The following CTNNA2 variants were observed in gnomAD, a reference collection of about 807,000 sequenced individuals.
CTNNA2 encodes catenin alpha-2.
In CTNNA2, 42 loss-of-function variants were observed where a neutral mutation model predicts 101.0. That is an observed-to-expected ratio of 0.42 (90% CI 0.32 to 0.54). The LOEUF (loss-of-function observed/expected upper bound fraction) is 0.54. CTNNA2 is among the 20% of genes least tolerant of loss of function. CTNNA2 has a pLI of 0.14. For synonymous variants in CTNNA2, 450 were observed against 456.4 expected (o/e 0.99, Z 0.18); for missense variants, 871 against 1,223.1 (o/e 0.71, Z 4.29).
chr2:79,276,424 T>C (rs1381707699), intron 2 of CTNNA2, among the ~76,000 whole-genome samples: 1 of 152,100 alleles, frequency 6.6e-6, no homozygotes, highest in Non-Finnish European at 1.5e-5. Context: ...CTTGGGCACA[T>C]AAAAGTAAAT....
chr2:80,131,390 G>T (rs1299670234), intron 7 of CTNNA2, among the ~76,000 whole-genome samples: 4 of 152,170 alleles, frequency 2.6e-5, no homozygotes, highest in Non-Finnish European at 5.9e-5. Flanking sequence ...GGAAAGCTGG[G>T]TGGAAACATA....
chr2:80,244,263 A>G (rs907319276), intron 7 of CTNNA2, among the ~76,000 whole-genome samples: 1 of 152,200 alleles, frequency 6.6e-6, no homozygotes, highest in Non-Finnish European at 1.5e-5. Context: ...AGAATCCAGT[A>G]CATGTTATTT....
intron 3 of CTNNA2, among the ~76,000 whole-genome samples, chr2:79,336,822 C>A (rs1677004978): frequency 6.6e-6 from 1 of 152,118 alleles, no homozygotes; most frequent in African/African-American, 2.4e-5. Flanking sequence ...TTTAGAATTT[C>A]TTGAAAGAGG....
chr2:79,558,377 T>A (rs993906978), intron 1 of CTNNA2, among the ~76,000 whole-genome samples: 1 of 151,886 alleles, frequency 6.6e-6, no homozygotes, highest in Non-Finnish European at 1.5e-5. Flanking sequence ...GTACCAAAAT[T>A]CAGGTTTTAC....
chr2:79,718,531 C>T (rs1236943859), intron 2 of CTNNA2, among the ~76,000 whole-genome samples: 6 of 152,094 alleles, frequency 3.9e-5, no homozygotes, highest in Non-Finnish European at 7.4e-5. Context: ...CATGTAATTC[C>T]GGCTGTGCCT....
intron 3 of CTNNA2, among the ~76,000 whole-genome samples, chr2:79,747,603 T>C (rs959778636): frequency 6.6e-6 from 1 of 152,206 alleles, no homozygotes; most frequent in African/African-American, 2.4e-5. Flanking sequence ...AAGTTAGTTT[T>C]CACACATTCT....
intron 9 of CTNNA2, among the ~76,000 whole-genome samples, chr2:80,420,302 T>C (rs1399918472): frequency 6.6e-6 from 1 of 152,072 alleles, no homozygotes; most frequent in Non-Finnish European, 1.5e-5. Context: ...ATTAGTGATG[T>C]GGGGCTAAAT....
In CTNNA2 at chr2:79,800,032, T is replaced by C. The variant is rs993560131; in HGVS notation, c.298+55450T>C. ...ACAGTTTTTCAGACATTGCATAAGA[T>C]TTTTTTCCTAAGGAACTTCACATGC... On this transcript the variant is annotated intron_variant, in intron 3 of 18. Transcript: ENST00000402739. 5.3e-5 allele frequency among the ~76,000 whole-genome samples: 8 copies of C among 152,106 alleles called. No individual in the cohort carries two copies. The South Asian group carries it at 1.7e-3, about 31-fold the overall frequency.
At chr2:79,992,574 T>C (rs1692256873) in intron 7 of CTNNA2, among the ~76,000 whole-genome samples, 2 of 152,226 alleles carry the variant, frequency 1.3e-5, no homozygotes, top group Non-Finnish European at 2.9e-5. Context: ...TCAGACCTAA[T>C]GTAAGATCTG....
At chr2:79,990,460 A>G (rs1298660701) in intron 7 of CTNNA2, among the ~76,000 whole-genome samples, 1 of 152,128 alleles carries the variant, frequency 6.6e-6, no homozygotes, top group Non-Finnish European at 1.5e-5. Context: ...TGGCTAAGAA[A>G]ACTAACTTTG....
At chr2:80,635,801 C>G (rs3821076) in intron 18 of CTNNA2, among the ~76,000 whole-genome samples, 3,754 of 152,010 alleles carry the variant, frequency 0.025, 100 homozygotes, top group South Asian at 0.13. Flanking sequence ...ATGCTGAGAC[C>G]ATGGCTAGGA....
intron 2 of CTNNA2, among the ~76,000 whole-genome samples, chr2:79,728,816 C>T (rs9752848): frequency 0.22 from 34,035 of 152,070 alleles, 3,905 homozygotes; most frequent in Middle Eastern, 0.27. Context: ...TTCCCAGCAC[C>T]ATATATTAAA....
At chr2:79,928,629 T>C (rs1687188338) in intron 7 of CTNNA2, among the ~76,000 whole-genome samples, 1 of 152,188 alleles carries the variant, frequency 6.6e-6, no homozygotes, top group Non-Finnish European at 1.5e-5. Flanking sequence ...GGAAAACCAA[T>C]GTGTCTGCCC....
chr2:80,643,389 G>C (rs1374545628), intron 18 of CTNNA2, among the ~76,000 whole-genome samples: 1 of 152,128 alleles, frequency 6.6e-6, no homozygotes, highest in Non-Finnish European at 1.5e-5. Context: ...GGCTGGTTGT[G>C]AGATAGAATG....
At chr2:80,490,930 AAG>A (rs1687015474) in intron 9 of CTNNA2, among the ~76,000 whole-genome samples, 1 of 152,214 alleles carries the variant, frequency 6.6e-6, no homozygotes, top group African/African-American at 2.4e-5. Flanking sequence ...ATAGAGGAGA[AAG>A]AATGTATATT....
At chr2:79,550,873 T>G (rs1674057281) in intron 1 of CTNNA2, among the ~76,000 whole-genome samples, 1 of 152,120 alleles carries the variant, frequency 6.6e-6, no homozygotes, top group Non-Finnish European at 1.5e-5. Flanking sequence ...CAGTTCTGCC[T>G]CCAAGGACTG....
chr2:80,419,974 C>T (rs1680376224), intron 9 of CTNNA2, among the ~76,000 whole-genome samples: 2 of 146,524 alleles, frequency 1.4e-5, no homozygotes, highest in Admixed American at 6.9e-5. Context: ...TTTTTCCCAC[C>T]TCAAACCCCT....
chr2:79,956,843 G>GTTTTTTTT lies in CTNNA2; in HGVS notation c.1056+47064_1056+47071dup, dbSNP rs66471325. On this transcript the variant is annotated intron_variant, in intron 7 of 18. Transcript: ENST00000402739. ...TTTCATTTACTATGAATACGTGTGG[G>GTTTTTTTT]TTTTTTTTTTTTTTTTTTTTTTTTT... 6.0e-4 allele frequency among the ~76,000 whole-genome samples: 59 copies of GTTTTTTTT among 98,894 alleles called. 3 individuals are homozygous for GTTTTTTTT. The highest frequency in any genetic ancestry group is 2.7e-3 in the African/African-American group (57 of 21,338). The allele number at this position is 98,894 out of a possible 152,430, so 64.9% of individuals were successfully genotyped here.
intron 7 of CTNNA2, among the ~76,000 whole-genome samples, chr2:80,291,671 C>T (rs930536771): frequency 6.6e-6 from 1 of 152,138 alleles, no homozygotes; most frequent in Non-Finnish European, 1.5e-5. Flanking sequence ...GCTTGGATAA[C>T]AATTGCAAGC....
Sources: allele counts gnomAD v4.1 joint callset (sites outside exome capture counted in the v4.1 genomes callset), GRCh38; gene constraint gnomAD v4.1.1; transcripts MANE v1.5; gene names NCBI Gene and HGNC (gene_info 2026-07-23, HGNC 2026-07-21).